The following ZC3H11A variants were observed in gnomAD, a reference collection of about 807,000 sequenced individuals.
ZC3H11A encodes zinc finger CCCH domain-containing protein 11A.
A neutral mutation model predicts 90.8 loss-of-function variants in ZC3H11A; 22 were observed. The observed-to-expected ratio is 0.24, with a 90% CI of 0.17 to 0.35. ZC3H11A has a LOEUF of 0.35. Among genes scored for constraint, ZC3H11A ranks in the 10% least tolerant of loss-of-function variants. The pLI is 1.00. For missense variants in ZC3H11A, 701 were observed against 964.9 expected (o/e 0.73, Z 3.62); for synonymous variants, 294 against 339.8 (o/e 0.87, Z 1.48).
chr1:203,819,988 G>A (rs1677960454), intron 4 of ZC3H11A, among the ~76,000 whole-genome samples: 1 of 151,482 alleles, frequency 6.6e-6, no homozygotes, highest in African/African-American at 2.4e-5. Flanking sequence ...TGTAATCCCA[G>A]CACTTTACTA....
At chr1:203,805,522 A>G (rs577376490) in intron 2 of ZC3H11A, 309 of 501,372 alleles carry the variant, frequency 6.2e-4, no homozygotes, top group African/African-American at 5.7e-3. Context: ...CTTTCCTTCA[A>G]AGAAAGGACA....
intron 2 of ZC3H11A, among the ~76,000 whole-genome samples, chr1:203,809,697 T>C (rs1203184196): frequency 6.6e-6 from 1 of 152,186 alleles, no homozygotes; most frequent in East Asian, 1.9e-4. Context: ...CTCACGGCTG[T>C]AATCCTAGCA....
rs545537171 is a variant in ZC3H11A, at chr1:203,828,128, T to A, written c.175-171T>A. Among the ~76,000 whole-genome samples, 3 of 152,332 alleles carry A rather than the reference T, an allele frequency of 2.0e-5. No individual in the cohort carries two copies. In the East Asian group the frequency reaches 5.8e-4, roughly 29 times the overall value. On this transcript the variant is annotated intron_variant, in intron 4 of 17. Coordinates refer to ENST00000367210, the MANE Select transcript of ZC3H11A (RefSeq NM_001376342.1). ...CTCTCCTGCTCCATTCAGCTCTCCATCATGCCTAAGTTATGTTATTTTCAG... is the reference window on the plus strand; with the variant it reads ...CTCTCCTGCTCCATTCAGCTCTCCAACATGCCTAAGTTATGTTATTTTCAG...
At chr1:203,800,538 A>G in intron 1 of ZC3H11A, 1 of 1,347,486 alleles carries the variant, frequency 7.4e-7, no homozygotes, top group Non-Finnish European at 9.7e-7. Context: ...GTTAAATATA[A>G]TCATTATCTT....
At chr1:203,818,049 A>G (rs555112573) in intron 3 of ZC3H11A, among the ~76,000 whole-genome samples, 11 of 152,188 alleles carry the variant, frequency 7.2e-5, no homozygotes, top group Admixed American at 5.2e-4. Context: ...GCCCGGTGAT[A>G]TTATGTTTTA....
intron 2 of ZC3H11A, among the ~76,000 whole-genome samples, chr1:203,813,935 C>T (rs571204550): frequency 6.6e-6 from 1 of 151,418 alleles, no homozygotes; most frequent in East Asian, 2.0e-4. Flanking sequence ...AACTGTTGCC[C>T]ACCCATACCC....
At chr1:203,830,962 T>C (rs1339577401) in intron 8 of ZC3H11A, among the ~76,000 whole-genome samples, 1 of 120,244 alleles carries the variant, frequency 8.3e-6, no homozygotes, top group African/African-American at 3.5e-5. Flanking sequence ...TTTTTTTTTT[T>C]TGAGACAGAG....
chr1:203,846,916 A>G (rs1688056850), intron 12 of ZC3H11A, among the ~76,000 whole-genome samples: 1 of 152,072 alleles, frequency 6.6e-6, no homozygotes, highest in African/African-American at 2.4e-5. Context: ...AGGCAGGAGA[A>G]TCACTTGAAC....
At chr1:203,822,380 A>G (rs1679070450) in intron 4 of ZC3H11A, among the ~76,000 whole-genome samples, 1 of 151,850 alleles carries the variant, frequency 6.6e-6, no homozygotes, top group East Asian at 2.0e-4. Context: ...TTGCTTTACC[A>G]TAGGGACCTC....
At chr1:203,850,349 C>CCA in intron 15 of ZC3H11A, 166 bp from the exon 16 acceptor site, 1 of 980,120 alleles carries the variant, frequency 1.0e-6, no homozygotes, top group Non-Finnish European at 1.6e-6. Flanking sequence ...CCTGTAGTGA[C>CCA]CACCATGTGA....
At chr1:203,803,515 A>G (rs144425273) in intron 2 of ZC3H11A, among the ~76,000 whole-genome samples, 94 of 152,232 alleles carry the variant, frequency 6.2e-4, no homozygotes, top group Middle Eastern at 3.4e-3. Context: ...CTTTGTTTTG[A>G]TAATATATGT....
At chr1:203,841,531 A>G (rs1486880036) in intron 12 of ZC3H11A, among the ~76,000 whole-genome samples, 1 of 152,262 alleles carries the variant, frequency 6.6e-6, no homozygotes, top group African/African-American at 2.4e-5. Context: ...ACAGAACAAA[A>G]TGGAGTCTCC....
At chr1:203,807,853 T>C (rs1210837478) in intron 2 of ZC3H11A, among the ~76,000 whole-genome samples, 1 of 152,072 alleles carries the variant, frequency 6.6e-6, no homozygotes, top group Non-Finnish European at 1.5e-5. Context: ...GCAATCCTTC[T>C]GCCTCAGCGT....
chr1:203,833,767 G>C (rs1201098262), intron 9 of ZC3H11A, 24 bp from the exon 10 acceptor site: 1 of 1,602,466 alleles, frequency 6.2e-7, no homozygotes, highest in African/African-American at 1.3e-5. Context: ...TAAGGATAGA[G>C]AAATTCTGCT....
rs774093840 is a variant in ZC3H11A at position 203,829,814 on chromosome 1, A to G, written c.537A>G (p.Thr179=). 6.2e-7 allele frequency: 1 copy of G among 1,614,082 alleles called. No individual in the cohort carries two copies. Among genetic ancestry groups the G allele is most frequent in the South Asian group, 1.1e-5 (1 of 91,066 alleles). ...CTGAGGAAGGTGATGAAACCAAAAC[A>G]CCTACCCTGCAACCAACTCCTGAAG... ...QFSEEGDETK[T]PTLQPTPEVH... The change falls in exon 7 of 18, where the codon ACA becomes ACG. Residue 179 remains threonine, a synonymous_variant. Coordinates refer to ENST00000367210, the MANE Select transcript of ZC3H11A (RefSeq NM_001376342.1).
At chr1:203,821,422 AT>A (rs1463777461) in intron 4 of ZC3H11A, among the ~76,000 whole-genome samples, 2 of 152,024 alleles carry the variant, frequency 1.3e-5, no homozygotes, top group Non-Finnish European at 2.9e-5. Flanking sequence ...CTCTGTTACT[AT>A]CATTACTTTT....
At chr1:203,798,759 G>A in intron 1 of ZC3H11A, 1 of 1,536,090 alleles carries the variant, frequency 6.5e-7, no homozygotes, top group Non-Finnish European at 8.7e-7. Context: ...CATAAGTCAG[G>A]CAATTATCCA....
rs761784804 is a variant in ZC3H11A, at chr1:203,849,950, G to A, written c.1863G>A (p.Glu621=). The A allele has an allele frequency of 7.4e-6, 12 of 1,613,962 alleles. No individual in the cohort carries two copies. The highest frequency in any genetic ancestry group is 2.7e-5 in the African/African-American group (2 of 74,880). Residue 621 remains glutamate (E), a synonymous_variant, in exon 15 of 18, where the codon GAG becomes GAA. Coordinates refer to ENST00000367210, the MANE Select transcript of ZC3H11A (RefSeq NM_001376342.1). ...CCACAAAGTCATCCCAGAAGGTGGAGGTAGAAACCTCAGGGATTGGAGACT... is the reference window on the plus strand; with the variant it reads ...CCACAAAGTCATCCCAGAAGGTGGAAGTAGAAACCTCAGGGATTGGAGACT... The part of the protein sequence containing the change: ...RLPTKSSQKV[E]VETSGIGDSL...
At chr1:203,814,151 A>G (rs1269249363) in intron 2 of ZC3H11A, among the ~76,000 whole-genome samples, 1 of 152,154 alleles carries the variant, frequency 6.6e-6, no homozygotes, top group Non-Finnish European at 1.5e-5. Flanking sequence ...CTCCTCAGCT[A>G]AAACCCAAGT....
Sources: gnomAD v4.1 joint callset for allele counts (sites outside exome capture counted in the v4.1 genomes callset) on GRCh38, gnomAD v4.1.1 for gene constraint, MANE v1.5 for transcripts, NCBI Gene and HGNC (gene_info 2026-07-23, HGNC 2026-07-21) for gene names.